The following ZNF658 variants were observed in gnomAD, a reference collection of about 807,000 sequenced individuals.
The protein encoded by ZNF658 is zinc finger protein 658.
A neutral mutation model predicts 78.0 loss-of-function variants in ZNF658; 46 were observed. The ratio of observed to expected loss-of-function variants is 0.59; its 90% CI spans 0.47 to 0.75. The LOEUF (loss-of-function observed/expected upper bound fraction) is 0.75, where lower values mean the gene tolerates loss of function less well. Among genes scored for constraint, ZNF658 ranks in the 30% least tolerant of loss-of-function variants. The pLI, the probability that ZNF658 is intolerant of heterozygous loss-of-function variation, is 0.00. For synonymous variants in ZNF658, 279 were observed against 408.4 expected (o/e 0.68, Z 3.82); for missense variants, 785 against 1,189.3 (o/e 0.66, Z 5.00).
At position 66,918,584 on chromosome 9, in the gene ZNF658, C is replaced by T. The variant is rs1369288104; in HGVS notation, c.1018C>T (p.His340Tyr). ...CEENFSQSSA[H>Y]IVHQKTQAGD... ...AGAAAATTTTAGCCAGAGCTCAGCC[C>T]ATATAGTACATCAGAAAACACAAGC... is the stretch of plus-strand genomic sequence containing the variant. The change falls in exon 5 of 5, where the codon CAT becomes TAT. Residue 340 changes from histidine to tyrosine, a missense_variant. Coordinates refer to ENST00000621410, the MANE Select transcript of ZNF658 (RefSeq NM_033160.7). 2 of 1,608,716 alleles carry T rather than the reference C, an allele frequency of 1.2e-6. No individual in the cohort carries two copies. The highest frequency in any genetic ancestry group is 2.2e-5 in the East Asian group (1 of 44,742).
At chr9:66,914,738 G>A (rs1391406322) in intron 4 of ZNF658, among the ~76,000 whole-genome samples, 1 of 151,968 alleles carries the variant, frequency 6.6e-6, no homozygotes, top group African/African-American at 2.4e-5. Context: ...TTATAGTATT[G>A]CAGTGTAGTA....
chr9:66,908,251 T>C lies in ZNF658; in HGVS notation c.29T>C (p.Phe10Ser). 8 of 1,614,052 alleles carry C rather than the reference T, an allele frequency of 5.0e-6. No homozygotes were observed. The highest frequency in any genetic ancestry group is 6.8e-6 in the Non-Finnish European group (8 of 1,179,976). The change falls in exon 3 of 5, where the codon TTC becomes TCC. Residue 10 changes from phenylalanine (F) to serine (S), a missense_variant. Around this residue, in one of 12 missense-constraint regions of ZNF658, gnomAD observed 79 missense variants for 96.5 expected, o/e 0.82. Coordinates refer to ENST00000621410, the MANE Select transcript of ZNF658 (RefSeq NM_033160.7). ...ATGTTGTTACAGGCATCAGTGTCAT[T>C]CCAGGACGTGACTGTGGAATTCACC... Reference protein sequence around the residue: MNMSQASVSFQDVTVEFTRE... With the variant: MNMSQASVSSQDVTVEFTRE...
At chr9:66,928,692 A>T (rs1822609863) in intron 6 of ZNF658, among the ~76,000 whole-genome samples, 2 of 106,824 alleles carry the variant, frequency 1.9e-5, no homozygotes, top group South Asian at 3.9e-4. Flanking sequence ...CTCTACTAAA[A>T]ATACAAAAAA....
At chr9:66,922,361 C>T (rs1227098512), downstream of ZNF658, among the ~76,000 whole-genome samples, 2 of 151,950 alleles carry the variant, frequency 1.3e-5, no homozygotes. Flanking sequence ...CACTGTCCAA[C>T]AAGCCCCAGT....
chr9:66,931,542 G>T (rs1343600331), intron 6 of ZNF658, among the ~76,000 whole-genome samples: 1 of 151,438 alleles, frequency 6.6e-6, no homozygotes, highest in Non-Finnish European at 1.5e-5. Context: ...CTGAATGTGC[G>T]ATTTATCATA....
intron 6 of ZNF658, among the ~76,000 whole-genome samples, chr9:66,928,946 A>T (rs1822612965): frequency 6.9e-6 from 1 of 145,898 alleles, no homozygotes; most frequent in African/African-American, 2.5e-5. Flanking sequence ...AAATATGTGC[A>T]GTTAATTGTA....
intron 4 of ZNF658, among the ~76,000 whole-genome samples, chr9:66,913,298 G>A (rs1217237330): frequency 6.6e-6 from 1 of 151,962 alleles, no homozygotes; most frequent in Non-Finnish European, 1.5e-5. Flanking sequence ...GGTGGCAGGT[G>A]CCTGTAATCC....
At chr9:66,922,422 C>T (rs189669583), downstream of ZNF658, among the ~76,000 whole-genome samples, 2,175 of 147,752 alleles carry the variant, frequency 0.015, 31 homozygotes, top group Middle Eastern at 0.028. Context: ...TCATCTTCTG[C>T]GTCACTCACG....
At chr9:66,931,442 C>T (rs1200777202) in intron 6 of ZNF658, among the ~76,000 whole-genome samples, 1 of 152,048 alleles carries the variant, frequency 6.6e-6, no homozygotes, top group Non-Finnish European at 1.5e-5. Context: ...TGCTTAGCCT[C>T]TCTGTAAGAG....
At chr9:66,926,361 A>G (rs1822585913), downstream of ZNF658, among the ~76,000 whole-genome samples, 1 of 151,498 alleles carries the variant, frequency 6.6e-6, no homozygotes, top group African/African-American at 2.4e-5. Flanking sequence ...TGTTAGAATT[A>G]ATAAGTCAAT....
chr9:66,911,331 GA>G (rs1229893172), intron 4 of ZNF658, among the ~76,000 whole-genome samples: 1 of 77,334 alleles, frequency 1.3e-5, no homozygotes, highest in Non-Finnish European at 2.5e-5. Context: ...ATAATAAAAT[GA>G]AAAAAATCCA....
intron 4 of ZNF658, among the ~76,000 whole-genome samples, chr9:66,909,701 T>C (rs1334966386): frequency 1.3e-5 from 2 of 152,200 alleles, no homozygotes; most frequent in Admixed American, 6.6e-5. Flanking sequence ...GGGGTTCTGA[T>C]TTCTCCACAT....
rs144369232 is a variant in ZNF658 at position 66,918,790 on chromosome 9, A to T, written c.1224A>T (p.Gly408=). 4.3e-4 allele frequency: 696 copies of T among 1,613,842 alleles called. 2 individuals are homozygous for T. In the East Asian group the frequency reaches 0.013, roughly 29 times the overall value. Residue 408 remains glycine (G), a synonymous_variant, in exon 5 of 5, where the codon GGA becomes GGT. Coordinates refer to ENST00000621410, the MANE Select transcript of ZNF658 (RefSeq NM_033160.7). ...TTCAGCATCAGAGGCCCCACTCAGG[A>T]GAGAAAACTTACCAATATGAGGAAT... is the stretch of plus-strand genomic sequence containing the variant. The part of the protein sequence containing the change: ...HLIQHQRPHS[G]EKTYQYEECA...
intron 1 of ZNF658, chr9:66,902,966 G>T (rs2117934185): frequency 6.6e-6 from 1 of 152,324 alleles, no homozygotes; most frequent in East Asian, 1.9e-4. Flanking sequence ...GCCTCCAGCA[G>T]TTCACCCCCC....
chr9:66,914,545 C>T (rs547918283), intron 4 of ZNF658, among the ~76,000 whole-genome samples: 8 of 152,108 alleles, frequency 5.3e-5, no homozygotes, highest in Non-Finnish European at 1.2e-4. Context: ...AGAGGGAAGA[C>T]ATTCAGTCTC....
At chr9:66,922,161 T>TA (rs1822537175), downstream of ZNF658, among the ~76,000 whole-genome samples, 1 of 139,078 alleles carries the variant, frequency 7.2e-6, no homozygotes, top group African/African-American at 2.7e-5. Context: ...AGGCACAGGA[T>TA]ATAATCTCCT....
Position 66,920,803 on chromosome 9 carries a change from G to A in ZNF658, c.*57G>A, listed in dbSNP as rs1031224925. 2.3e-5 allele frequency: 15 copies of A among 639,162 alleles called. No homozygotes were observed. Among genetic ancestry groups the A allele is most frequent in the Non-Finnish European group, 5.7e-6 (2 of 352,814 alleles). The allele number at this position is 639,162 out of a possible 1,614,324, so 39.6% of individuals were successfully genotyped here. A position where few individuals can be genotyped will look rare whatever the true frequency, so the allele number is the denominator to read the frequency against. On this transcript the variant is annotated 3_prime_UTR_variant, in exon 5 of 5. Coordinates refer to ENST00000621410, the MANE Select transcript of ZNF658 (RefSeq NM_033160.7). ...TGCAGAAACTCATGTGACATAGGCT[G>A]GGAACTTGTTTCCCTTATCCATTTC...
chr9:66,918,902 G>A lies in ZNF658; in HGVS notation c.1336G>A (p.Gly446Arg). 1.3e-6 allele frequency: 2 copies of A among 1,572,674 alleles called. No homozygotes were observed. Among genetic ancestry groups the A allele is most frequent in the Non-Finnish European group, 1.7e-6 (2 of 1,156,662 alleles). The change falls in exon 5 of 5, where the codon GGG becomes AGG. Residue 446 changes from glycine (G) to arginine (R), a missense_variant. Coordinates refer to ENST00000621410, the MANE Select transcript of ZNF658 (RefSeq NM_033160.7). ...CAAACTTTATGAATGTAATGAATGT[G>A]GGAAAGCTTTCTGTCAGAATTCAAA... ...GFKLYECNECGKAFCQNSNLS... is the reference protein window; with the variant it reads ...GFKLYECNECRKAFCQNSNLS...
chr9:66,902,729 A>G (rs980871024), intron 1 of ZNF658, among the ~76,000 whole-genome samples: 1 of 151,918 alleles, frequency 6.6e-6, no homozygotes, highest in African/African-American at 2.4e-5. Flanking sequence ...CCTATATTGG[A>G]AGCCCAAAAA....
Sources: gnomAD v4.1 joint callset for allele counts (sites outside exome capture counted in the v4.1 genomes callset) on GRCh38, gnomAD v4.1.1 for gene constraint, gnomAD v4.1.1 regional missense constraint, MANE v1.5 for transcripts, NCBI Gene and HGNC (gene_info 2026-07-23, HGNC 2026-07-21) for gene names.